SEMA6D: variants seen among roughly 807,000 people sequenced by gnomAD.
The protein encoded by SEMA6D is semaphorin-6D.
SEMA6D carries 35 observed loss-of-function variants against 106.6 expected under a neutral mutation model. The observed-to-expected ratio is 0.33, with a 90% CI of 0.25 to 0.44. The LOEUF (loss-of-function observed/expected upper bound fraction) is 0.44, where lower values mean the gene tolerates loss of function less well. Ranked by LOEUF, SEMA6D falls within the 20% of genes least tolerant of loss-of-function variation. SEMA6D has a pLI of 1.00. For missense variants in SEMA6D, 1,185 were observed against 1,345.9 expected, an observed-to-expected ratio of 0.88 and a Z score of 1.87; for synonymous variants, 499 against 487.7, an observed-to-expected ratio of 1.02 and a Z score of -0.31.
chr15:47,227,797 T>C (rs1275807454), intron 1 of SEMA6D, among the ~76,000 whole-genome samples: 1 of 149,348 alleles, frequency 6.7e-6, no homozygotes, highest in Non-Finnish European at 1.5e-5. Context: ...TGACGTTGTG[T>C]GAATAAGAAA....
chr15:47,329,236 C>A (rs1350688631), intron 1 of SEMA6D, among the ~76,000 whole-genome samples: 1 of 152,130 alleles, frequency 6.6e-6, no homozygotes, highest in Non-Finnish European at 1.5e-5. Context: ...GATGCTTGTG[C>A]AGCAGAAAGA....
chr15:47,471,609 T>G (rs1210791812), intron 3 of SEMA6D, among the ~76,000 whole-genome samples: 1 of 152,124 alleles, frequency 6.6e-6, no homozygotes, highest in Non-Finnish European at 1.5e-5. Flanking sequence ...GAAAGGTTGA[T>G]TCTCTGAGAA....
chr15:47,397,658 T>A (rs2040261104), intron 1 of SEMA6D: 1 of 152,210 alleles, frequency 6.6e-6, no homozygotes, highest in African/African-American at 2.4e-5. Context: ...ATTAACCTGT[T>A]TTCCATGCTT....
chr15:47,764,690 G>T lies in SEMA6D; in HGVS notation c.1150G>T (p.Asp384Tyr), dbSNP rs766124130. The T allele has an allele frequency of 1.9e-6, 3 of 1,613,892 alleles. No individual in the cohort carries two copies. Among genetic ancestry groups the T allele is most frequent in the African/African-American group, 1.3e-5 (1 of 74,912 alleles). ...TGCCGAAGCTTATAAAACCTCCATCGATTTCCCGGATGAAACTCTGTCATT... is the reference window on the plus strand; with the variant it reads ...TGCCGAAGCTTATAAAACCTCCATCTATTTCCCGGATGAAACTCTGTCATT... ...GLAEAYKTSI[D>Y]FPDETLSFIK... The change falls in exon 12 of 19, where the codon GAT becomes TAT. Residue 384 changes from aspartate (D) to tyrosine (Y), a missense_variant. Around this residue, in one of 3 missense-constraint regions of SEMA6D, gnomAD observed 291 missense variants for 423.8 expected, o/e 0.69. Coordinates refer to ENST00000536845, the MANE Select transcript of SEMA6D (RefSeq NM_001358351.3).
At chr15:47,462,448 G>T (rs2042543386) in intron 2 of SEMA6D, among the ~76,000 whole-genome samples, 2 of 152,014 alleles carry the variant, frequency 1.3e-5, no homozygotes, top group African/African-American at 2.4e-5. Context: ...TCTCTTCTCA[G>T]ACGGGAACTA....
chr15:47,760,459 C>G (rs1277428824), intron 3 of SEMA6D, 44 bp downstream of exon 3: 3 of 1,445,622 alleles, frequency 2.1e-6, no homozygotes, highest in Non-Finnish European at 2.9e-6. Context: ...ATTCTTTTCT[C>G]TTGTGGTGCT....
chr15:47,704,958 TA>T (rs896943271), intron 4 of SEMA6D, among the ~76,000 whole-genome samples: 2 of 152,094 alleles, frequency 1.3e-5, no homozygotes, highest in Non-Finnish European at 2.9e-5. Flanking sequence ...AAGTTTTTTT[TA>T]AAAAAGGTTC....
intron 3 of SEMA6D, among the ~76,000 whole-genome samples, chr15:47,506,578 A>G (rs2044043420): frequency 6.8e-6 from 1 of 147,022 alleles, no homozygotes; most frequent in South Asian, 2.1e-4. Context: ...TCCTAACTAC[A>G]TGGGCATTTA....
intron 4 of SEMA6D, among the ~76,000 whole-genome samples, chr15:47,672,111 T>C (rs1254850298): frequency 6.6e-6 from 1 of 152,178 alleles, no homozygotes; most frequent in Non-Finnish European, 1.5e-5. Context: ...CTTTGTGATA[T>C]ATTTATCTCC....
intron 1 of SEMA6D, among the ~76,000 whole-genome samples, chr15:47,380,905 G>A (rs997908597): frequency 6.6e-5 from 10 of 152,234 alleles, no homozygotes; most frequent in African/African-American, 2.4e-4. Flanking sequence ...AGAGCTTCCA[G>A]TCAAAATAGT....
At chr15:47,303,614 T>G (rs1216501836) in intron 1 of SEMA6D, among the ~76,000 whole-genome samples, 1 of 152,212 alleles carries the variant, frequency 6.6e-6, no homozygotes, top group East Asian at 1.9e-4. Flanking sequence ...TGGGCAGGAT[T>G]TTCATCTGTT....
intron 3 of SEMA6D, among the ~76,000 whole-genome samples, chr15:47,571,269 A>G (rs78414963): frequency 2.6e-5 from 4 of 151,052 alleles, no homozygotes; most frequent in African/African-American, 4.9e-5. Flanking sequence ...ACTGGAAAAG[A>G]AAAAAAAAAT....
At chr15:47,579,578 T>C (rs1272888111) in intron 3 of SEMA6D, among the ~76,000 whole-genome samples, 3 of 152,222 alleles carry the variant, frequency 2.0e-5, no homozygotes, top group Non-Finnish European at 4.4e-5. Flanking sequence ...CTTTGCTTCA[T>C]AAAACCATAT....
chr15:47,261,112 C>T (rs1178300324), intron 1 of SEMA6D, among the ~76,000 whole-genome samples: 1 of 152,154 alleles, frequency 6.6e-6, no homozygotes. Context: ...AGAAATAAGT[C>T]TATGCCAGAA....
intron 4 of SEMA6D, among the ~76,000 whole-genome samples, chr15:47,711,395 G>A (rs2079021444): frequency 6.6e-6 from 1 of 151,992 alleles, no homozygotes; most frequent in African/African-American, 2.4e-5. Flanking sequence ...GGCCAGAGGG[G>A]TTTGGGAACC....
intron 2 of SEMA6D, among the ~76,000 whole-genome samples, chr15:47,422,091 TTA>T (rs2041176842): frequency 9.7e-6 from 1 of 103,026 alleles, no homozygotes; most frequent in Non-Finnish European, 2.1e-5. Flanking sequence ...GGTCCATTGT[TTA>T]TTTTTTTTTC....
At chr15:47,306,272 C>T (rs1044438207) in intron 1 of SEMA6D, among the ~76,000 whole-genome samples, 1 of 152,022 alleles carries the variant, frequency 6.6e-6, no homozygotes, top group East Asian at 1.9e-4. Flanking sequence ...TATGAGCCAC[C>T]GCGCCTGGCC....
chr15:47,668,192 A>G (rs988451997), intron 4 of SEMA6D, among the ~76,000 whole-genome samples: 42 of 152,166 alleles, frequency 2.8e-4, no homozygotes, highest in Non-Finnish European at 1.0e-4. Context: ...TTCCTCTTTC[A>G]TGTACCTGGT....
chr15:47,370,401 G>C (rs1265513128), intron 1 of SEMA6D, among the ~76,000 whole-genome samples: 1 of 152,102 alleles, frequency 6.6e-6, no homozygotes, highest in Non-Finnish European at 1.5e-5. Context: ...TATAGTCCCA[G>C]CTACTCAGAA....
Sources: allele counts gnomAD v4.1 joint callset (sites outside exome capture counted in the v4.1 genomes callset), GRCh38; gene constraint gnomAD v4.1.1; regional missense constraint gnomAD v4.1.1; transcripts MANE v1.5; gene names NCBI Gene and HGNC (gene_info 2026-07-23, HGNC 2026-07-21).